The following DCT variants were observed in gnomAD, a reference collection of about 807,000 sequenced individuals.
DCT encodes the protein L-dopachrome tautomerase.
Under a neutral mutation model 53.0 loss-of-function variants are expected in DCT, and 47 were observed. That is an observed-to-expected ratio of 0.89 (90% confidence interval 0.70 to 1.13). DCT has a LOEUF of 1.13. DCT is among the 50% of genes most tolerant of loss of function. The pLI is 0.00. For missense variants in DCT, 669 were observed against 637.4 expected (o/e 1.05, Z -0.53); for synonymous variants, 244 against 237.0 (o/e 1.03, Z -0.27).
At chr13:94,461,102 T>C (rs1883756941) in intron 5 of DCT, among the ~76,000 whole-genome samples, 1 of 152,128 alleles carries the variant, frequency 6.6e-6, no homozygotes. Context: ...GATGAATTAG[T>C]TTTTCATTGT....
intron 6 of DCT, among the ~76,000 whole-genome samples, chr13:94,451,919 G>GTT (rs57931231): frequency 1.3e-4 from 20 of 149,692 alleles, no homozygotes; most frequent in African/African-American, 4.4e-4. Context: ...AATATTTAGG[G>GTT]TTTTTTTTTT....
At chr13:94,492,151 G>A in the DCT span, among the ~76,000 whole-genome samples, 481 of 152,172 alleles carry the variant, frequency 3.2e-3, 2 homozygotes, top group African/African-American at 1.0e-2. Context: ...TTAGCTCATC[G>A]TTCTCCCAAC....
At chr13:94,445,753 T>C (rs769122969) in intron 6 of DCT, 1 of 1,582,494 alleles carries the variant, frequency 6.3e-7, no homozygotes, top group South Asian at 1.2e-5. Context: ...CTTGGTCGCT[T>C]TCTCTTTTCT....
At chr13:94,459,654 C>G (rs947130706) in intron 6 of DCT, among the ~76,000 whole-genome samples, 1 of 152,260 alleles carries the variant, frequency 6.6e-6, no homozygotes, top group Admixed American at 6.5e-5. Context: ...TCAAGTAAAG[C>G]TCACTCAAGT....
chr13:94,506,399 CA>C, the DCT span, among the ~76,000 whole-genome samples: 1 of 152,138 alleles, frequency 6.6e-6, no homozygotes, highest in African/African-American at 2.4e-5. Context: ...TGAGGCAAGT[CA>C]AAAGGATACA....
At chr13:94,493,655 G>A in the DCT span, among the ~76,000 whole-genome samples, 9 of 152,278 alleles carry the variant, frequency 5.9e-5, no homozygotes, top group South Asian at 8.3e-4. Flanking sequence ...GGCTACATAC[G>A]ATATGATTCC....
At chr13:94,487,185 A>G in the DCT span, among the ~76,000 whole-genome samples, 11 of 152,248 alleles carry the variant, frequency 7.2e-5, no homozygotes, top group Non-Finnish European at 1.3e-4. Context: ...TTGGTTACCA[A>G]TGGAAGCCAT....
At chr13:94,502,829 G>A in the DCT span, among the ~76,000 whole-genome samples, 15 of 152,016 alleles carry the variant, frequency 9.9e-5, no homozygotes, top group South Asian at 8.3e-4. Context: ...GACCACATCT[G>A]CTCATGCAGA....
the DCT span, among the ~76,000 whole-genome samples, chr13:94,508,009 T>C: frequency 6.6e-6 from 1 of 152,218 alleles, no homozygotes; most frequent in African/African-American, 2.4e-5. Flanking sequence ...GTCACATTTT[T>C]ATAAGTTTAC....
At chr13:94,538,958 G>T in the DCT span, among the ~76,000 whole-genome samples, 3 of 152,158 alleles carry the variant, frequency 2.0e-5, no homozygotes, top group African/African-American at 7.2e-5. Context: ...GCTTCTAGGG[G>T]TTATCAGCCC....
Position 94,479,038 on chromosome 13 carries a change from C to G in DCT, c.218G>C (p.Gly73Ala), listed in dbSNP as rs1885291402. 1 of 1,614,088 alleles carries G rather than the reference C, an allele frequency of 6.2e-7. No homozygotes were observed. Among genetic ancestry groups the G allele is most frequent in the Admixed American group, 1.7e-5 (1 of 60,004 alleles). Residue 73 changes from glycine to alanine, a missense_variant, in exon 1 of 8, where the codon GGT becomes GCT. Coordinates refer to ENST00000377028, the MANE Select transcript of DCT (RefSeq NM_001922.5). Reference protein sequence around the residue: ...EVRADTRPWSGPYILRNQDDR... With the variant: ...EVRADTRPWSAPYILRNQDDR... ...ATCCTGGTTTCGTAGGATGTAGGGACCACTCCAGGGCCTTGTGTCGGCTCG... is the reference window on the plus strand; with the variant it reads ...ATCCTGGTTTCGTAGGATGTAGGGAGCACTCCAGGGCCTTGTGTCGGCTCG...
the DCT span, among the ~76,000 whole-genome samples, chr13:94,508,708 G>C: frequency 1.3e-5 from 2 of 152,170 alleles, no homozygotes; most frequent in Non-Finnish European, 2.9e-5. Context: ...GCCTGAGAAA[G>C]AAGAATAGGG....
chr13:94,489,603 AC>A, the DCT span, among the ~76,000 whole-genome samples: 6 of 152,176 alleles, frequency 3.9e-5, no homozygotes, highest in Non-Finnish European at 7.4e-5. Flanking sequence ...CACTGGTCTG[AC>A]CCATTATATT....
At chr13:94,545,936 A>T in the DCT span, among the ~76,000 whole-genome samples, 1,474 of 152,070 alleles carry the variant, frequency 9.7e-3, 25 homozygotes, top group African/African-American at 0.033. Context: ...CTCCTTGACC[A>T]AATGCTAGCC....
At chr13:94,510,927 AC>A in the DCT span, among the ~76,000 whole-genome samples, 1 of 152,132 alleles carries the variant, frequency 6.6e-6, no homozygotes, top group East Asian at 1.9e-4. Flanking sequence ...AACCATGTGA[AC>A]CACCTCCTGC....
At chr13:94,522,396 GT>G in the DCT span, among the ~76,000 whole-genome samples, 1,485 of 151,346 alleles carry the variant, frequency 9.8e-3, 22 homozygotes, top group African/African-American at 0.035. Context: ...AAGTTCTTCA[GT>G]TTTAGAGTTT....
the DCT span, among the ~76,000 whole-genome samples, chr13:94,549,315 C>CG: frequency 6.6e-6 from 1 of 152,240 alleles, no homozygotes; most frequent in African/African-American, 2.4e-5. Flanking sequence ...ATCGGAGCCT[C>CG]GGGTCTCACA....
At position 94,438,448 on chromosome 13, in the gene DCT, G is replaced by A; in HGVS notation, c.*1450C>T. ...GGCTTTAGCAGTCCTTTTGCATGGG[G>A]TAAACTGGTTCTTGATGAGTCTTGC... On this transcript the variant is annotated 3_prime_UTR_variant, in exon 8 of 8. Coordinates refer to ENST00000377028, the MANE Select transcript of DCT (RefSeq NM_001922.5). The A allele has an allele frequency of 3.1e-6, 1 of 325,680 alleles. No homozygotes were observed. Among genetic ancestry groups the A allele is most frequent in the Non-Finnish European group, 6.1e-6 (1 of 164,876 alleles). The allele number at this position is 325,680 out of a possible 1,614,324, so 20.2% of individuals were successfully genotyped here.
At position 94,476,489 on chromosome 13, in the gene DCT, T is replaced by C. The variant is rs1252134092; in HGVS notation, c.295+2472A>G. On this transcript the variant is annotated intron_variant, in intron 1 of 7. Transcript: ENST00000377028. ...ACTTTCTTTTTTTTTTTTTTTTTTT[T>C]CTGAGACACAGTCTCACTCTATTGT... Among the ~76,000 whole-genome samples, 268 of 131,246 alleles carry C rather than the reference T, an allele frequency of 2.0e-3. 1 individual carries two copies. The highest frequency in any genetic ancestry group is 4.6e-3 in the South Asian group (19 of 4,098). 86.1% of individuals were successfully genotyped at this position (131,246 alleles called of 152,430 possible).
Sources: allele counts gnomAD v4.1 joint callset (sites outside exome capture counted in the v4.1 genomes callset), GRCh38; gene constraint gnomAD v4.1.1; transcripts MANE v1.5; gene names NCBI Gene and HGNC (gene_info 2026-07-23, HGNC 2026-07-21).